Variants in PDZRN4 observed in about 807,000 individuals in gnomAD.
PDZRN4 encodes PDZ domain containing ring finger 4.
Under a neutral mutation model 99.0 loss-of-function variants are expected in PDZRN4, and 70 were observed. The ratio of observed to expected loss-of-function variants is 0.71; its 90% CI spans 0.58 to 0.86. The LOEUF (loss-of-function observed/expected upper bound fraction) is 0.86. Ranked by LOEUF, PDZRN4 falls within the 40% of genes least tolerant of loss-of-function variation. The pLI is 0.00. For synonymous variants in PDZRN4, 551 were observed against 501.6 expected, an observed-to-expected ratio of 1.10 and a Z score of -1.32; for missense variants, 1,474 against 1,331.2, an observed-to-expected ratio of 1.11 and a Z score of -1.67.
intron 5 of PDZRN4, among the ~76,000 whole-genome samples, chr12:41,512,764 G>A (rs978473130): frequency 3.9e-5 from 6 of 152,068 alleles, no homozygotes; most frequent in East Asian, 1.9e-4. Context: ...ATAGCGGGTG[G>A]AGTATGTATG....
intron 3 of PDZRN4, among the ~76,000 whole-genome samples, chr12:41,367,168 C>G (rs1190534590): frequency 1.3e-5 from 2 of 152,106 alleles, no homozygotes; most frequent in Non-Finnish European, 2.9e-5. Context: ...AAATAGGAAT[C>G]AAGTCTATCA....
At chr12:41,256,955 T>C (rs1355676464) in intron 3 of PDZRN4, among the ~76,000 whole-genome samples, 3 of 152,186 alleles carry the variant, frequency 2.0e-5, no homozygotes, top group Non-Finnish European at 4.4e-5. Flanking sequence ...CATATTTCAT[T>C]GCTTTTCCCT....
chr12:41,382,628 C>T (rs533590920), intron 3 of PDZRN4, among the ~76,000 whole-genome samples: 1 of 152,196 alleles, frequency 6.6e-6, no homozygotes, highest in Admixed American at 6.5e-5. Flanking sequence ...TACTAATCAG[C>T]AATCTCTCTG....
chr12:41,477,789 AG>A (rs1937618241), intron 3 of PDZRN4: 1 of 732,632 alleles, frequency 1.4e-6, no homozygotes, highest in South Asian at 1.5e-5. Flanking sequence ...AAAAGCCCAC[AG>A]GCGCCTTTAC....
chr12:41,254,040 T>C (rs1322996581), intron 3 of PDZRN4, among the ~76,000 whole-genome samples: 3 of 147,970 alleles, frequency 2.0e-5, no homozygotes, highest in Non-Finnish European at 3.0e-5. Context: ...TGTGCGTGTG[T>C]GTGTGTGTGT....
At chr12:41,562,962 T>C (rs1939298042) in intron 7 of PDZRN4, among the ~76,000 whole-genome samples, 1 of 152,192 alleles carries the variant, frequency 6.6e-6, no homozygotes, top group Non-Finnish European at 1.5e-5. Flanking sequence ...AAATGGAGTA[T>C]TGATGAGAAT....
At chr12:41,414,027 A>G (rs938581445) in intron 3 of PDZRN4, among the ~76,000 whole-genome samples, 1 of 152,070 alleles carries the variant, frequency 6.6e-6, no homozygotes, top group Non-Finnish European at 1.5e-5. Flanking sequence ...ATTTCCCTTA[A>G]TGATTGCTTG....
chr12:41,472,413 T>C (rs894862003), intron 3 of PDZRN4, among the ~76,000 whole-genome samples: 1 of 152,238 alleles, frequency 6.6e-6, no homozygotes, highest in East Asian at 1.9e-4. Context: ...TAGATATACA[T>C]TTTTGTTAGG....
intron 3 of PDZRN4, among the ~76,000 whole-genome samples, chr12:41,491,526 A>G (rs993018782): frequency 6.6e-6 from 1 of 152,092 alleles, no homozygotes; most frequent in African/African-American, 2.4e-5. Flanking sequence ...CATCTCAAAA[A>G]CAAACAAACA....
chr12:41,502,291 C>T (rs912617842), intron 3 of PDZRN4, among the ~76,000 whole-genome samples: 5 of 152,118 alleles, frequency 3.3e-5, no homozygotes, highest in African/African-American at 4.8e-5. Flanking sequence ...GCTATCGAAA[C>T]GCCAGAAGTT....
intron 3 of PDZRN4, among the ~76,000 whole-genome samples, chr12:41,465,393 G>T (rs1416610637): frequency 1.3e-5 from 2 of 151,980 alleles, no homozygotes; most frequent in South Asian, 2.1e-4. Flanking sequence ...AACAACTGAG[G>T]TTATTTTTTT....
At chr12:41,277,078 C>G (rs1483700056) in intron 3 of PDZRN4, among the ~76,000 whole-genome samples, 1 of 152,142 alleles carries the variant, frequency 6.6e-6, no homozygotes, top group Non-Finnish European at 1.5e-5. Flanking sequence ...AGATTCACTT[C>G]TAGCAACAAA....
chr12:41,307,359 C>T (rs566122688), intron 3 of PDZRN4, among the ~76,000 whole-genome samples: 1 of 152,280 alleles, frequency 6.6e-6, no homozygotes, highest in African/African-American at 2.4e-5. Context: ...TACCTCTTCC[C>T]ATGACCTTTC....
chr12:41,397,744 T>TA, intron 3 of PDZRN4, among the ~76,000 whole-genome samples: 1 of 152,302 alleles, frequency 6.6e-6, no homozygotes, highest in Admixed American at 6.5e-5. Flanking sequence ...AAAGTTTTGC[T>TA]GTTATGTATT....
rs74079335 is a variant in PDZRN4 at position 41,269,891 on chromosome 12, C to A, written c.843+75703C>A. ...ACACCAGGTTTTAAACCATAATAAG[C>A]ATTCTGATACACACACACGATATTG... On this transcript the variant is annotated intron_variant, in intron 3 of 9. Transcript: ENST00000402685. Among the ~76,000 whole-genome samples the A allele has an allele frequency of 7.0e-3, 1,061 of 152,250 alleles. 4 individuals are homozygous for A. Among genetic ancestry groups the A allele is most frequent in the Middle Eastern group, 0.027 (8 of 294 alleles).
chr12:41,384,691 T>C (rs1032657254), intron 3 of PDZRN4, among the ~76,000 whole-genome samples: 3 of 152,100 alleles, frequency 2.0e-5, no homozygotes, highest in South Asian at 4.1e-4. Flanking sequence ...GGTTGTATAG[T>C]GTAAGGCAAA....
At chr12:41,195,974 G>C (rs1342547084) in intron 3 of PDZRN4, among the ~76,000 whole-genome samples, 5 of 151,960 alleles carry the variant, frequency 3.3e-5, no homozygotes, top group Non-Finnish European at 5.9e-5. Flanking sequence ...ACAGAAATAC[G>C]TATTGGCAAT....
chr12:41,341,145 C>T (rs928875866), intron 3 of PDZRN4, among the ~76,000 whole-genome samples: 2 of 141,626 alleles, frequency 1.4e-5, no homozygotes, highest in African/African-American at 5.2e-5. Context: ...CATTTGACAA[C>T]GTTCAACATC....
intron 3 of PDZRN4, among the ~76,000 whole-genome samples, chr12:41,501,802 C>T (rs1306015443): frequency 2.6e-4 from 40 of 152,216 alleles, no homozygotes; most frequent in Non-Finnish European, 7.4e-5. Context: ...TTTGTCTGTG[C>T]TGATCTGAAT....
Sources: gnomAD v4.1 joint callset for allele counts (sites outside exome capture counted in the v4.1 genomes callset) on GRCh38, gnomAD v4.1.1 for gene constraint, MANE v1.5 for transcripts, NCBI Gene and HGNC (gene_info 2026-07-23, HGNC 2026-07-21) for gene names.